MYG1: variants seen among roughly 807,000 people sequenced by gnomAD.
MYG1 encodes the protein MYG1 exonuclease.
In MYG1, 36 loss-of-function variants were observed where a neutral mutation model predicts 43.5. The observed-to-expected ratio is 0.83, with a 90% CI of 0.63 to 1.09. The LOEUF is 1.09. Among genes scored for constraint, MYG1 ranks in the 50% least tolerant of loss-of-function variants. The probability of loss-of-function intolerance (pLI) is 0.00; values close to 1 mark genes in which losing one functional copy is unlikely to be tolerated. For missense variants in MYG1, 529 were observed against 495.1 expected (o/e 1.07, Z -0.65); for synonymous variants, 220 against 202.8 (o/e 1.08, Z -0.72).
intron 3 of MYG1, 50 bp downstream of exon 3, chr12:53,303,243 G>A (rs1479720671): frequency 7.5e-6 from 12 of 1,590,528 alleles, no homozygotes; most frequent in Admixed American, 3.4e-5. Flanking sequence ...CCAGCAGGCC[G>A]CCTGGGAGCA....
chr12:53,300,257 C>T lies in MYG1; in HGVS notation c.324C>T (p.His108=), dbSNP rs777200670. 28 of 1,566,428 alleles carry T rather than the reference C, an allele frequency of 1.8e-5. No individual in the cohort carries two copies. The Middle Eastern group carries it at 8.6e-4, about 48-fold the overall frequency. The change falls in exon 2 of 7, where the codon CAC becomes CAT. Residue 108 remains histidine (H), a synonymous_variant. Transcript: ENST00000267103. ...CTCGGAGACACCGATATGACCATCA[C>T]CAGAGGTAGGTTCTCAGATACCATT... is the stretch of plus-strand genomic sequence containing the variant. ...YDPRRHRYDH[H]QRSFTETMSS...
chr12:53,306,749 C>T lies in MYG1; in HGVS notation c.835C>T (p.Leu279=). 10 of 1,614,230 alleles carry T rather than the reference C, an allele frequency of 6.2e-6. No individual in the cohort carries two copies. Among genetic ancestry groups the T allele is most frequent in the Non-Finnish European group, 8.5e-6 (10 of 1,180,036 alleles). ...TCCCTGGAAGGAGCATCTCTACCAC[C>T]TGGAATCTGGGCTGTCCCCTCCAGT... The part of the protein sequence containing the change: ...ACPWKEHLYH[L]ESGLSPPVAI... The change falls in exon 6 of 7, where the codon CTG becomes TTG. Residue 279 remains leucine (L), a synonymous_variant. Coordinates refer to ENST00000267103, the MANE Select transcript of MYG1 (RefSeq NM_021640.4).
chr12:53,301,566 A>G (rs1944232878), intron 2 of MYG1, among the ~76,000 whole-genome samples: 1 of 151,550 alleles, frequency 6.6e-6, no homozygotes, highest in East Asian at 1.9e-4. Flanking sequence ...CCTCAAGCCC[A>G]CTCTCCCAGT....
At chr12:53,305,786 C>G (rs546199027) in intron 3 of MYG1, 122 bp from the exon 4 acceptor site, 2 of 1,287,684 alleles carry the variant, frequency 1.6e-6, no homozygotes, top group Non-Finnish European at 2.1e-6. Flanking sequence ...CTTTTCTCAT[C>G]CAGTTAATGT....
chr12:53,304,252 G>A (rs961872956), intron 3 of MYG1, among the ~76,000 whole-genome samples: 3 of 151,910 alleles, frequency 2.0e-5, no homozygotes, highest in Admixed American at 6.6e-5. Flanking sequence ...CACTGCTGAA[G>A]GGTTTCTAAA....
chr12:53,300,519 CCAT>C (rs1944221291), intron 2 of MYG1, among the ~76,000 whole-genome samples: 1 of 152,140 alleles, frequency 6.6e-6, no homozygotes, highest in African/African-American at 2.4e-5. Context: ...GGCTTTTTTT[CCAT>C]CAGCAACTTC....
chr12:53,305,245 C>G (rs1944264565), intron 3 of MYG1, among the ~76,000 whole-genome samples: 1 of 152,170 alleles, frequency 6.6e-6, no homozygotes, highest in Non-Finnish European at 1.5e-5. Context: ...TTTCTCAGTG[C>G]TCTGAGAGTA....
rs772746489 is a variant in MYG1, at chr12:53,303,124, G to A, written c.420G>A (p.Gly140=). The A allele has an allele frequency of 9.3e-6, 15 of 1,614,142 alleles. No homozygotes were observed. Among genetic ancestry groups the A allele is most frequent in the Non-Finnish European group, 1.3e-5 (15 of 1,180,008 alleles). Residue 140 remains glycine (G), a synonymous_variant, in exon 3 of 7, where the codon GGG becomes GGA. Transcript: ENST00000267103. The part of the protein sequence containing the change: ...SSAGLIYLHF[G]HKLLAQLLGT... ...CGGGACTCATCTATCTGCACTTCGG[G>A]CACAAGCTGCTGGCCCAGTTGCTGG...
chr12:53,300,511 C>CT (rs1255787275), intron 2 of MYG1, among the ~76,000 whole-genome samples: 1 of 152,196 alleles, frequency 6.6e-6, no homozygotes, highest in Non-Finnish European at 1.5e-5. Flanking sequence ...TTAGCCAAGG[C>CT]TTTTTTTCCA....
At position 53,299,735 on chromosome 12, in the gene MYG1, C is replaced by T. The variant is rs779680482; in HGVS notation, c.-3C>T. On this transcript the variant is annotated 5_prime_UTR_variant, in exon 1 of 7. Transcript: ENST00000267103. ...GCTCCTGCCTCCCTGCAGGGAGCTG[C>T]TTATGGGACACCAATTCCTGCGCGG... 5 of 1,611,554 alleles carry T rather than the reference C, an allele frequency of 3.1e-6. No individual in the cohort carries two copies. Among genetic ancestry groups the T allele is most frequent in the Non-Finnish European group, 3.4e-6 (4 of 1,178,994 alleles).
At position 53,305,933 on chromosome 12, in the gene MYG1, T is replaced by A; in HGVS notation, c.515T>A (p.Val172Glu). Residue 172 changes from valine to glutamate, a missense_variant, in exon 4 of 7, where the codon GTG (valine) becomes GAG (glutamate). Transcript: ENST00000267103. ...DKMYENFVEE[V>E]DAVDNGISQW... ...ATGTATGAGAACTTTGTGGAGGAGGTGGATGCTGTGGACAATGGGATCTCC... is the reference window on the plus strand; with the variant it reads ...ATGTATGAGAACTTTGTGGAGGAGGAGGATGCTGTGGACAATGGGATCTCC... The A allele has an allele frequency of 6.2e-7, 1 of 1,609,582 alleles. No homozygotes were observed. Among genetic ancestry groups the A allele is most frequent in the Non-Finnish European group, 8.5e-7 (1 of 1,178,070 alleles).
chr12:53,300,347 G>C, intron 2 of MYG1, 85 bp downstream of exon 2: 1 of 1,031,160 alleles, frequency 9.7e-7, no homozygotes, highest in Non-Finnish European at 1.4e-6. Context: ...GCCGTAGTCC[G>C]CGTCAGCGAA....
At chr12:53,304,785 G>C (rs1251389131) in intron 3 of MYG1, among the ~76,000 whole-genome samples, 2 of 121,920 alleles carry the variant, frequency 1.6e-5, no homozygotes, top group Non-Finnish European at 3.5e-5. Context: ...TTGTAGAGAG[G>C]GTCTTGCTAT....
intron 5 of MYG1, 124 bp downstream of exon 5, chr12:53,306,444 A>T: frequency 1.4e-6 from 2 of 1,415,554 alleles, no homozygotes; most frequent in Non-Finnish European, 9.6e-7. Context: ...CTTAGGCTCA[A>T]GCAGTCCTCC....
chr12:53,303,343 A>T, intron 3 of MYG1, 150 bp downstream of exon 3: 1 of 833,204 alleles, frequency 1.2e-6, no homozygotes, highest in East Asian at 2.8e-5. Context: ...AGTCAGGCTC[A>T]TCTCACAAGG....
rs1415364087 is a variant in MYG1, at chr12:53,299,839, A to G, written c.102A>G (p.Pro34=). The change falls in exon 1 of 7, where the codon CCA becomes CCG. Residue 34 remains proline, a synonymous_variant. Transcript: ENST00000267103. ...TCGGTCCAGAGTCCGTCCCGCCCCC[A>G]AAACGATCCCGCAGCAAACTCATGG... ...RMLGPESVPP[P]KRSRSKLMAP... The G allele has an allele frequency of 1.2e-6, 2 of 1,613,992 alleles. No homozygotes were observed. The highest frequency in any genetic ancestry group is 2.7e-5 in the African/African-American group (2 of 74,900).
At chr12:53,306,574 G>A in intron 5 of MYG1, 106 bp from the exon 6 acceptor site, 1 of 1,275,852 alleles carries the variant, frequency 7.8e-7, no homozygotes, top group Non-Finnish European at 1.1e-6. Context: ...AAATTCCTGG[G>A]CTCAACTGAT....
chr12:53,304,338 T>G (rs929502124), intron 3 of MYG1, among the ~76,000 whole-genome samples: 3 of 152,010 alleles, frequency 2.0e-5, no homozygotes, highest in Non-Finnish European at 2.9e-5. Context: ...CAGGCTGGAG[T>G]GCAGTGGCAC....
At chr12:53,301,021 G>C (rs542630745) in intron 2 of MYG1, among the ~76,000 whole-genome samples, 117 of 151,500 alleles carry the variant, frequency 7.7e-4, no homozygotes, top group African/African-American at 2.8e-3. Flanking sequence ...CCAGGTTCAA[G>C]CGATTCTCCT....
Sources: gnomAD v4.1 joint callset for allele counts (sites outside exome capture counted in the v4.1 genomes callset) on GRCh38, gnomAD v4.1.1 for gene constraint, MANE v1.5 for transcripts, NCBI Gene and HGNC (gene_info 2026-07-23, HGNC 2026-07-21) for gene names.